The following TENM1 variants were observed in gnomAD, a reference collection of about 807,000 sequenced individuals.
TENM1 encodes the protein teneurin transmembrane protein 1, also known as teneurin-1.
Under a neutral mutation model 174.8 loss-of-function variants are expected in TENM1, and 35 were observed. The ratio of observed to expected loss-of-function variants is 0.20; its 90% confidence interval spans 0.15 to 0.27. The LOEUF is 0.27. Ranked by LOEUF, TENM1 falls within the 10% of genes least tolerant of loss-of-function variation. The pLI is 1.00. For missense variants in TENM1, 1,633 were observed against 2,130.1 expected (o/e 0.77, Z 4.59); for synonymous variants, 781 against 798.7 (o/e 0.98, Z 0.37).
the TENM1 span, among the ~76,000 whole-genome samples, chrX:125,163,792 T>C: frequency 1.8e-5 from 2 of 111,981 alleles, no homozygotes; most frequent in Non-Finnish European, 3.8e-5. Flanking sequence ...TTTAATAAAA[T>C]ATACTATGTG....
At chrX:124,714,759 G>C (rs1283403059) in intron 4 of TENM1, among the ~76,000 whole-genome samples, 1 of 111,532 alleles carries the variant, frequency 9.0e-6, no homozygotes, top group Non-Finnish European at 1.9e-5. Flanking sequence ...ATTGAAAGTA[G>C]GAGTAAGGGC....
rs180991235 is a variant in TENM1 at position 124,581,221 on chromosome X, C to T, written c.2078-15661G>A. ...CTGGGATTACAGGTGCGTGCCACCA[C>T]GTCCGGCTAATTTTTTTGTATTTTT... On this transcript the variant is annotated intron_variant, in intron 11 of 31. Transcript: ENST00000422452. Among the ~76,000 whole-genome samples, 379 of 108,896 alleles carry T rather than the reference C, an allele frequency of 3.5e-3. 2 individuals are homozygous for T. The highest frequency in any genetic ancestry group is 0.032 in the Admixed American group (325 of 10,144). 94.6% of individuals were successfully genotyped at this position (108,896 alleles called of 115,157 possible).
In TENM1 at chrX:124,725,865, T is replaced by C. The variant is rs186756557; in HGVS notation, c.776+11092A>G. Among the ~76,000 whole-genome samples the C allele has an allele frequency of 6.2e-5, 7 of 112,645 alleles. No individual in the cohort carries two copies. The South Asian group carries it at 1.5e-3, about 23-fold the overall frequency. ...ATGCTCTTAGTAAAATAGACAAGTA[T>C]CTATTAACTTGACATGGTAATGGAA... On this transcript the variant is annotated intron_variant, in intron 4 of 31. Coordinates refer to ENST00000422452, the Ensembl canonical transcript of TENM1.
intron 4 of TENM1, among the ~76,000 whole-genome samples, chrX:124,726,335 T>A (rs745733981): frequency 8.9e-5 from 10 of 112,544 alleles, no homozygotes; most frequent in Non-Finnish European, 1.9e-4. Context: ...AGAGACTGTA[T>A]CACACTGATC....
At chrX:124,720,706 T>C (rs1178943406) in intron 4 of TENM1, among the ~76,000 whole-genome samples, 3 of 112,342 alleles carry the variant, frequency 2.7e-5, no homozygotes, top group African/African-American at 9.7e-5. Flanking sequence ...CAAAATTGTA[T>C]CAAGCACCTA....
intron 5 of TENM1, among the ~76,000 whole-genome samples, chrX:124,673,301 A>C (rs1413141088): frequency 8.9e-6 from 1 of 111,912 alleles, no homozygotes; most frequent in Non-Finnish European, 1.9e-5. Context: ...GGAAGATTAG[A>C]GCCATATTGT....
the TENM1 span, among the ~76,000 whole-genome samples, chrX:125,079,153 G>A: frequency 4.5e-5 from 5 of 111,560 alleles, no homozygotes; most frequent in African/African-American, 1.6e-4. Flanking sequence ...AAAACTAAAT[G>A]AACTTAAATA....
chrX:125,088,737 G>A, the TENM1 span, among the ~76,000 whole-genome samples: 1 of 110,544 alleles, frequency 9.0e-6, no homozygotes, highest in African/African-American at 3.3e-5. Context: ...AAAAGTCAAT[G>A]TGAGATACAA....
At chrX:124,974,309 C>T in the TENM1 span, among the ~76,000 whole-genome samples, 1 of 111,687 alleles carries the variant, frequency 9.0e-6, no homozygotes, top group Non-Finnish European at 1.9e-5. Context: ...GTTTCCAACA[C>T]ATAAACTTTG....
intron 25 of TENM1, among the ~76,000 whole-genome samples, chrX:124,408,365 A>G (rs1243391280): frequency 1.3e-5 from 1 of 75,758 alleles, no homozygotes; most frequent in East Asian, 3.5e-4. Context: ...CTGGTATCCA[A>G]CTCCTGGCCT....
At chrX:124,571,388 A>G (rs2148188625) in intron 11 of TENM1, among the ~76,000 whole-genome samples, 1 of 111,932 alleles carries the variant, frequency 8.9e-6, no homozygotes, top group African/African-American at 3.2e-5. Flanking sequence ...GTAGTAGAAA[A>G]GAAGAAGAAT....
intron 25 of TENM1, among the ~76,000 whole-genome samples, chrX:124,408,769 T>C (rs1302891368): frequency 2.9e-5 from 3 of 104,479 alleles, no homozygotes; most frequent in Non-Finnish European, 5.9e-5. Flanking sequence ...GCTGCACCCG[T>C]TAACTCGTCA....
chrX:125,131,333 G>A, the TENM1 span, among the ~76,000 whole-genome samples: 1 of 111,481 alleles, frequency 9.0e-6, no homozygotes, highest in South Asian at 3.8e-4. Flanking sequence ...ATATATTAAG[G>A]AGCTCCTGCC....
chrX:124,459,004 T>C (rs2061139372), intron 22 of TENM1, among the ~76,000 whole-genome samples: 1 of 112,236 alleles, frequency 8.9e-6, no homozygotes, highest in South Asian at 3.7e-4. Context: ...AGACATGGCG[T>C]TGCTCTTAGA....
At chrX:124,906,372 G>A (rs2057749338) in intron 1 of TENM1, among the ~76,000 whole-genome samples, 1 of 111,885 alleles carries the variant, frequency 8.9e-6, no homozygotes, top group Non-Finnish European at 1.9e-5. Flanking sequence ...TTGTAAGTTG[G>A]GGACTGTCTG....
At chrX:124,747,149 C>CAATA (rs201159170) in intron 3 of TENM1, among the ~76,000 whole-genome samples, 1,214 of 99,844 alleles carry the variant, frequency 0.012, 15 homozygotes, top group African/African-American at 0.031. Flanking sequence ...AAGACTATTT[C>CAATA]AATAAATAAA....
At chrX:125,032,884 C>A in the TENM1 span, among the ~76,000 whole-genome samples, 1 of 111,721 alleles carries the variant, frequency 9.0e-6, no homozygotes, top group Non-Finnish European at 1.9e-5. Context: ...ATTATTCTCC[C>A]ATTGTCATGT....
At chrX:124,421,975 A>G (rs1190379076) in intron 24 of TENM1, among the ~76,000 whole-genome samples, 1 of 112,145 alleles carries the variant, frequency 8.9e-6, no homozygotes, top group Admixed American at 9.5e-5. Context: ...AAACATTTTT[A>G]TTACACTAGT....
At chrX:124,937,760 G>T (rs1356128607) in intron 1 of TENM1, among the ~76,000 whole-genome samples, 1 of 111,520 alleles carries the variant, frequency 9.0e-6, no homozygotes, top group Non-Finnish European at 1.9e-5. Flanking sequence ...ATACTGCAAG[G>T]TACATAAATA....
Sources: gnomAD v4.1 joint callset for allele counts (sites outside exome capture counted in the v4.1 genomes callset) on GRCh38, gnomAD v4.1.1 for gene constraint, MANE v1.5 for transcripts, NCBI Gene and HGNC (gene_info 2026-07-23, HGNC 2026-07-21) for gene names.